MTCL1: variants seen among roughly 807,000 people sequenced by gnomAD.
MTCL1 encodes the protein microtubule cross-linking factor 1.
In MTCL1, 79 loss-of-function variants were observed where a neutral mutation model predicts 141.4. The observed-to-expected ratio is 0.56, with a 90% CI of 0.47 to 0.67. MTCL1 has a LOEUF of 0.67. Ranked by LOEUF, MTCL1 falls within the 30% of genes least tolerant of loss-of-function variation. MTCL1 has a pLI of 0.00. For missense variants in MTCL1, 2,177 were observed against 2,113.9 expected, an observed-to-expected ratio of 1.03 and a Z score of -0.59; for synonymous variants, 914 against 875.8, an observed-to-expected ratio of 1.04 and a Z score of -0.77.
At chr18:8,831,304 T>C (rs1172086579) in intron 16 of MTCL1, 26 of 1,197,000 alleles carry the variant, frequency 2.2e-5, no homozygotes, top group Non-Finnish European at 6.3e-6. Flanking sequence ...CCACAGTCAC[T>C]GTGTCATGCC....
chr18:8,800,393 A>T (rs16954205), intron 10 of MTCL1: 11,094 of 152,252 alleles, frequency 0.073, 523 homozygotes, highest in East Asian at 0.12. Flanking sequence ...GAACGTTCTC[A>T]CAATTGAACT....
At chr18:8,797,230 A>G (rs542000058) in intron 9 of MTCL1, among the ~76,000 whole-genome samples, 244 of 152,194 alleles carry the variant, frequency 1.6e-3, no homozygotes, top group African/African-American at 5.8e-3. Context: ...TCTTCTTTCT[A>G]TTTGAGCTTT....
Position 8,774,772 on chromosome 18 carries a change from G to A in MTCL1, c.358-3061G>A, listed in dbSNP as rs188751678. ...CAAAGTGCTGGGATTGCAGGCATGA[G>A]CCACCGCCCCTGGCCTCTGGTTAAC... On this transcript the variant is annotated intron_variant, in intron 4 of 16. Transcript: ENST00000359865. Among the ~76,000 whole-genome samples, 299 of 152,346 alleles carry A rather than the reference G, an allele frequency of 2.0e-3. 3 individuals carry two copies. The highest frequency in any genetic ancestry group is 6.8e-3 in the African/African-American group (281 of 41,584).
intron 11 of MTCL1, among the ~76,000 whole-genome samples, chr18:8,808,473 A>G (rs2076376585): frequency 6.6e-6 from 1 of 152,172 alleles, no homozygotes; most frequent in Non-Finnish European, 1.5e-5. Context: ...GAGTGTCCCT[A>G]AATACCAAAA....
chr18:8,722,624 G>A (rs1426534302), intron 4 of MTCL1, among the ~76,000 whole-genome samples: 2 of 152,172 alleles, frequency 1.3e-5, no homozygotes, highest in African/African-American at 2.4e-5. Context: ...TTAAGTGGAA[G>A]TGGATCACCG....
At chr18:8,831,122 C>T (rs1247693675) in intron 16 of MTCL1, 1 of 987,308 alleles carries the variant, frequency 1.0e-6, no homozygotes, top group African/African-American at 1.7e-5. Flanking sequence ...AAGACGACTG[C>T]CATTGCTAAC....
chr18:8,811,651 A>G (rs2144214494), intron 11 of MTCL1, among the ~76,000 whole-genome samples: 1 of 152,326 alleles, frequency 6.6e-6, no homozygotes, highest in Admixed American at 6.5e-5. Flanking sequence ...ATTGAACTCT[A>G]CATAGGAATA....
chr18:8,735,386 G>A (rs2096270221), intron 4 of MTCL1, among the ~76,000 whole-genome samples: 1 of 152,158 alleles, frequency 6.6e-6, no homozygotes, highest in Non-Finnish European at 1.5e-5. Context: ...CACTGAATCT[G>A]TGTGGCTCTG....
intron 4 of MTCL1, among the ~76,000 whole-genome samples, chr18:8,733,333 G>C (rs554633937): frequency 6.6e-6 from 1 of 152,258 alleles, no homozygotes; most frequent in Admixed American, 6.5e-5. Context: ...GTAAACTATA[G>C]GAAACATTAA....
At chr18:8,765,064 A>G (rs187881115) in intron 4 of MTCL1, among the ~76,000 whole-genome samples, 2 of 152,326 alleles carry the variant, frequency 1.3e-5, no homozygotes, top group East Asian at 3.9e-4. Flanking sequence ...AAGAAGAACA[A>G]GTGAGTTGAT....
chr18:8,831,031 C>A, intron 16 of MTCL1: 1 of 985,744 alleles, frequency 1.0e-6, no homozygotes. Flanking sequence ...AAATTTCTGC[C>A]TGCAGCATTT....
intron 8 of MTCL1, among the ~76,000 whole-genome samples, chr18:8,795,849 G>T (rs577785727): frequency 1.3e-5 from 2 of 152,150 alleles, no homozygotes; most frequent in East Asian, 3.9e-4. Flanking sequence ...TGTAATGTGC[G>T]TTTGAGTGCC....
intron 6 of MTCL1, among the ~76,000 whole-genome samples, chr18:8,785,297 G>A (rs1479940247): frequency 6.6e-6 from 1 of 152,140 alleles, no homozygotes; most frequent in Admixed American, 6.6e-5. Flanking sequence ...CCCTTCCTGG[G>A]TGTGTTTCAA....
At chr18:8,740,849 G>A (rs1489602581) in intron 4 of MTCL1, among the ~76,000 whole-genome samples, 1 of 152,140 alleles carries the variant, frequency 6.6e-6, no homozygotes, top group Non-Finnish European at 1.5e-5. Context: ...TGAGGGCAGG[G>A]GCTGTGTGGT....
In MTCL1 at chr18:8,824,963, C is replaced by T. The variant is rs150519905; in HGVS notation, c.3453C>T (p.Pro1151=). ...ACGAGGACAGCACAGAGCCTTTCCC[C>T]GACTCCTCCTGGTACCTAACCACAA... Residue 1151 remains proline (P), a synonymous_variant, in exon 15 of 17, where the codon CCC becomes CCT. Transcript: ENST00000359865. The T allele has an allele frequency of 1.5e-5, 25 of 1,613,468 alleles. 1 individual carries two copies. The highest frequency in any genetic ancestry group is 1.2e-4 in the South Asian group (11 of 91,086).
chr18:8,705,886 C>G lies in MTCL1; in HGVS notation c.226C>G (p.Arg76Gly). Reference sequence around the variant, plus strand: ...CCGAGCCCCGGCTCCCGCCGCCCCGCGCTCGCCCAACCTCGCGGGCAAAGC... The same window carrying G: ...CCGAGCCCCGGCTCCCGCCGCCCCGGGCTCGCCCAACCTCGCGGGCAAAGC... The change falls in exon 1 of 14, where the codon CGC (arginine) becomes GGC (glycine). Residue 76 changes from arginine (R) to glycine (G), a missense_variant. Arg to Gly is a moderately radical substitution (Grantham distance 125). Coordinates refer to the MTCL1 transcript ENST00000306329. The surrounding 1 kb of genome is among the most constrained non-coding windows in gnomAD (Gnocchi z 5.2). 9.0e-7 allele frequency: 1 copy of G among 1,115,152 alleles called. No individual in the cohort carries two copies. Among genetic ancestry groups the G allele is most frequent in the Non-Finnish European group, 1.1e-6 (1 of 913,416 alleles). 69.1% of individuals were successfully genotyped at this position (1,115,152 alleles called of 1,614,324 possible). A position where few individuals can be genotyped will look rare whatever the true frequency, so the allele number is the denominator to read the frequency against.
intron 8 of MTCL1, 100 bp downstream of exon 7, chr18:8,793,220 T>C: frequency 6.6e-7 from 1 of 1,524,642 alleles, no homozygotes; most frequent in Non-Finnish European, 8.9e-7. Flanking sequence ...GTCTGTTGCG[T>C]ACAGGCTGCT....
chr18:8,725,246 G>A (rs1217336806), intron 4 of MTCL1, among the ~76,000 whole-genome samples: 1 of 152,122 alleles, frequency 6.6e-6, no homozygotes, highest in Non-Finnish European at 1.5e-5. Context: ...GAGTCCGAGG[G>A]AACCAACTAA....
chr18:8,825,084 G>A lies in MTCL1; in HGVS notation c.3574G>A (p.Val1192Met), dbSNP rs369375200. ...CCTCACCGAGCAGTCGGGGTTGCGC[G>A]TGTTACACAGCCCGCCTGCCGTGCG... Residue 1192 changes from valine to methionine, a missense_variant, in exon 15 of 17, where the codon GTG (valine) becomes ATG (methionine). By Grantham distance (21) the Val-to-Met change is conservative (BLOSUM62 1). Transcript: ENST00000359865. 1.3e-5 allele frequency: 21 copies of A among 1,610,040 alleles called. No homozygotes were observed. The highest frequency in any genetic ancestry group is 5.0e-5 in the Admixed American group (3 of 59,830).
Sources: allele counts gnomAD v4.1 joint callset (sites outside exome capture counted in the v4.1 genomes callset), GRCh38; gene constraint gnomAD v4.1.1; non-coding constraint Gnocchi (gnomAD v3.1); transcripts MANE v1.5; gene names NCBI Gene and HGNC (gene_info 2026-07-23, HGNC 2026-07-21).